The following RGS22 variants were observed in gnomAD, a reference collection of about 807,000 sequenced individuals.
RGS22 encodes regulator of G-protein signaling 22.
Under a neutral mutation model 172.9 loss-of-function variants are expected in RGS22, and 148 were observed. The ratio of observed to expected loss-of-function variants is 0.86; its 90% CI spans 0.75 to 0.98. RGS22 has a LOEUF of 0.98. RGS22 is among the 50% of genes least tolerant of loss of function. The probability of loss-of-function intolerance (pLI) is 0.00; values close to 1 mark genes in which losing one functional copy is unlikely to be tolerated. For synonymous variants in RGS22, 458 were observed against 480.2 expected, an observed-to-expected ratio of 0.95 and a Z score of 0.60; for missense variants, 1,347 against 1,440.8, an observed-to-expected ratio of 0.93 and a Z score of 1.05.
At chr8:100,050,392 T>C (rs898876729) in intron 10 of RGS22, among the ~76,000 whole-genome samples, 1 of 152,244 alleles carries the variant, frequency 6.6e-6, no homozygotes, top group Non-Finnish European at 1.5e-5. Context: ...GACCCCTGTA[T>C]GTCTGAACAG....
intron 9 of RGS22, among the ~76,000 whole-genome samples, chr8:100,062,025 T>A (rs1387105273): frequency 6.6e-6 from 1 of 152,208 alleles, no homozygotes; most frequent in Non-Finnish European, 1.5e-5. Context: ...GAGGCCATTA[T>A]CCTCAGCAAA....
In RGS22 at chr8:100,063,754, T is replaced by G. The variant is rs752724928; in HGVS notation, c.1014A>C (p.Glu338Asp). 3 of 1,614,114 alleles carry G rather than the reference T, an allele frequency of 1.9e-6. No individual in the cohort carries two copies. Among genetic ancestry groups the G allele is most frequent in the Non-Finnish European group, 2.5e-6 (3 of 1,179,988 alleles). ...IQQIVGKPVG[E>D]TPDYINFNNI... The stretch of plus-strand genomic sequence containing the variant: ...TGTTGAAGTTTATATAGTCTGGGGT[T>G]TCTCCAACTGGCTTTCCAACAATTT... The change falls in exon 8 of 28, where the codon GAA becomes GAC. Residue 338 changes from glutamate (E) to aspartate (D), a missense_variant. By Grantham distance (45) the Glu-to-Asp change is conservative (BLOSUM62 2). Coordinates refer to ENST00000360863, the MANE Select transcript of RGS22 (RefSeq NM_015668.5).
intron 6 of RGS22, 40 bp downstream of exon 6, chr8:100,071,329 A>G: frequency 6.7e-7 from 1 of 1,493,420 alleles, no homozygotes; most frequent in Non-Finnish European, 9.0e-7. Flanking sequence ...CAGAAGTGTT[A>G]GTGAAGCGCT....
At chr8:100,046,157 CTA>C (rs1006322650) in intron 11 of RGS22, 5 of 151,974 alleles carry the variant, frequency 3.3e-5, no homozygotes, top group Non-Finnish European at 7.4e-5. Context: ...TATTTTTGAA[CTA>C]TGTTTATATT....
At chr8:100,044,457 G>A (rs1820498693) in intron 11 of RGS22, among the ~76,000 whole-genome samples, 1 of 152,128 alleles carries the variant, frequency 6.6e-6, no homozygotes, top group Non-Finnish European at 1.5e-5. Context: ...ATGTTGGCCA[G>A]GCTGGCCTGA....
At chr8:100,043,602 C>T (rs1210350035) in intron 11 of RGS22, among the ~76,000 whole-genome samples, 1 of 151,922 alleles carries the variant, frequency 6.6e-6, no homozygotes, top group Non-Finnish European at 1.5e-5. Context: ...ATGGTGAAAC[C>T]CCGTCTCTAC....
At chr8:100,053,497 T>G (rs1821921505) in intron 9 of RGS22, among the ~76,000 whole-genome samples, 2 of 151,528 alleles carry the variant, frequency 1.3e-5, no homozygotes, top group African/African-American at 4.8e-5. Flanking sequence ...AAGGAAGGAA[T>G]CTGTCTATCC....
At chr8:99,999,182 G>T in intron 19 of RGS22, 80 bp downstream of exon 19, 1 of 1,248,040 alleles carries the variant, frequency 8.0e-7, no homozygotes, top group Non-Finnish European at 1.1e-6. Flanking sequence ...AAGGACAATG[G>T]CTGGGTCACC....
intron 3 of RGS22, among the ~76,000 whole-genome samples, chr8:100,081,321 A>G (rs762681781): frequency 2.0e-5 from 3 of 150,310 alleles, no homozygotes; most frequent in Non-Finnish European, 4.4e-5. Flanking sequence ...TTTCACAGTA[A>G]AATTGGAACT....
At chr8:99,994,238 C>A (rs1365105037) in intron 20 of RGS22, among the ~76,000 whole-genome samples, 1 of 152,126 alleles carries the variant, frequency 6.6e-6, no homozygotes, top group African/African-American at 2.4e-5. Context: ...CACTCCTATT[C>A]AATGTAGTGT....
intron 14 of RGS22, among the ~76,000 whole-genome samples, chr8:100,016,559 C>T (rs1478548567): frequency 2.0e-5 from 3 of 152,034 alleles, no homozygotes; most frequent in Non-Finnish European, 2.9e-5. Flanking sequence ...AGGCAGATCA[C>T]GAGGTCAGGA....
intron 10 of RGS22, among the ~76,000 whole-genome samples, chr8:100,050,291 G>C (rs1462231812): frequency 6.6e-6 from 1 of 152,118 alleles, no homozygotes; most frequent in Non-Finnish European, 1.5e-5. Flanking sequence ...TTCAGGAAGC[G>C]TTGAGAACTT....
At chr8:100,012,099 T>TTTTA in intron 14 of RGS22, among the ~76,000 whole-genome samples, 1 of 150,492 alleles carries the variant, frequency 6.6e-6, no homozygotes, top group East Asian at 2.0e-4. Flanking sequence ...ATAATATATA[T>TTTTA]TATATATATA....
intron 14 of RGS22, among the ~76,000 whole-genome samples, chr8:100,031,226 T>A (rs1464937562): frequency 6.6e-6 from 1 of 152,142 alleles, no homozygotes; most frequent in Non-Finnish European, 1.5e-5. Flanking sequence ...ACCCAGCTAG[T>A]AACTAGGAGA....
chr8:99,976,535 G>T (rs923331098), intron 23 of RGS22, among the ~76,000 whole-genome samples: 4 of 152,050 alleles, frequency 2.6e-5, no homozygotes, highest in African/African-American at 9.7e-5. Context: ...CTAATTTTTT[G>T]TATTTTTAGT....
chr8:100,036,041 G>C (rs1038443638), intron 14 of RGS22, among the ~76,000 whole-genome samples: 2 of 151,870 alleles, frequency 1.3e-5, no homozygotes, highest in Non-Finnish European at 2.9e-5. Context: ...AACCAACATG[G>C]CATATGTAGA....
rs1810623275 is a variant in RGS22 at position 99,965,398 on chromosome 8, C to T, written c.3552G>A (p.Val1184=). 6.2e-7 allele frequency: 1 copy of T among 1,613,008 alleles called. No homozygotes were observed. The highest frequency in any genetic ancestry group is 1.3e-5 in the African/African-American group (1 of 74,900). The change falls in exon 24 of 28, where the codon GTG becomes GTA. Residue 1184 remains valine, a synonymous_variant. Coordinates refer to ENST00000360863, the MANE Select transcript of RGS22 (RefSeq NM_015668.5). ...TGAGTAAAGCAGTTTTGATAGCAGG[C>T]ACTGAAGTATTTGCATATTGTTTGA... ...DGIKQYANTS[V]PAIKTALLSD...
intron 3 of RGS22, among the ~76,000 whole-genome samples, chr8:100,089,847 T>C (rs1323785915): frequency 6.6e-6 from 1 of 152,144 alleles, no homozygotes; most frequent in Non-Finnish European, 1.5e-5. Context: ...CTGCTGCCAG[T>C]TCTATAGACA....
At chr8:100,037,760 G>T (rs979641099) in intron 14 of RGS22, among the ~76,000 whole-genome samples, 3 of 152,184 alleles carry the variant, frequency 2.0e-5, no homozygotes, top group Non-Finnish European at 4.4e-5. Flanking sequence ...AGTTTAGGAG[G>T]ATTAGGGCAA....
Sources: allele counts gnomAD v4.1 joint callset (sites outside exome capture counted in the v4.1 genomes callset), GRCh38; gene constraint gnomAD v4.1.1; transcripts MANE v1.5; gene names NCBI Gene and HGNC (gene_info 2026-07-23, HGNC 2026-07-21).